Variants in MSRA observed in about 807,000 individuals in gnomAD.
MSRA encodes mitochondrial peptide methionine sulfoxide reductase.
A neutral mutation model predicts 31.3 loss-of-function variants in MSRA; 54 were observed. The ratio of observed to expected loss-of-function variants is 1.73; its 90% confidence interval spans 1.39 to 2.17. MSRA has a LOEUF of 2.17. Ranked by LOEUF, MSRA falls within the 30% of genes most tolerant of loss-of-function variation. The probability of loss-of-function intolerance (pLI) is 0.00; values close to 1 mark genes in which losing one functional copy is unlikely to be tolerated. For synonymous variants in MSRA, 169 were observed against 116.5 expected, an observed-to-expected ratio of 1.45 and a Z score of -2.90; for missense variants, 507 against 300.9, an observed-to-expected ratio of 1.69 and a Z score of -5.07.
At position 10,247,383 on chromosome 8, in the gene MSRA, G is replaced by A. The variant is rs190937697; in HGVS notation, c.331+2160G>A. On this transcript the variant is annotated intron_variant, in intron 3 of 5. Transcript: ENST00000317173. Reference sequence around the variant, plus strand: ...GTCTCCCAGCTGTCATCATATCCCAGCCATTCTCCATTCATCCCTTTGCAC... The same window carrying A: ...GTCTCCCAGCTGTCATCATATCCCAACCATTCTCCATTCATCCCTTTGCAC... Among the ~76,000 whole-genome samples the A allele has an allele frequency of 2.6e-5, 4 of 152,210 alleles. No individual in the cohort carries two copies. The East Asian group carries it at 7.7e-4, about 29-fold the overall frequency.
At chr8:10,168,263 G>T (rs764706409) in intron 1 of MSRA, among the ~76,000 whole-genome samples, 2 of 152,042 alleles carry the variant, frequency 1.3e-5, no homozygotes, top group African/African-American at 4.8e-5. Context: ...TAATAATCTT[G>T]GTTCTAAAAC....
In MSRA at chr8:10,334,215, TC is replaced by T. The variant is rs1322487701; in HGVS notation, c.543+14227del. 6.3e-3 allele frequency among the ~76,000 whole-genome samples: 928 copies of T among 147,596 alleles called. 4 individuals carry two copies. The highest frequency in any genetic ancestry group is 0.022 in the African/African-American group (853 of 39,612). On this transcript the variant is annotated intron_variant, in intron 5 of 5. Transcript: ENST00000317173. The stretch of plus-strand genomic sequence containing the variant: ...GTGTGTGTGTGTGTGTGTGTGTGTG[TC>T]TGGGTATATATACACACACATTTAT...
At chr8:10,097,999 C>T (rs527887877) in intron 1 of MSRA, among the ~76,000 whole-genome samples, 7 of 151,978 alleles carry the variant, frequency 4.6e-5, no homozygotes, top group South Asian at 2.1e-4. Flanking sequence ...CCTTGTAAAA[C>T]GGGTATAATA....
chr8:10,171,128 ACTTTC>A (rs2129046339), intron 1 of MSRA, among the ~76,000 whole-genome samples: 1 of 152,294 alleles, frequency 6.6e-6, no homozygotes, highest in Non-Finnish European at 1.5e-5. Context: ...CTTGCAACTG[ACTTTC>A]CTCCTATACC....
At chr8:10,093,958 T>C (rs1798990511) in intron 1 of MSRA, among the ~76,000 whole-genome samples, 1 of 152,240 alleles carries the variant, frequency 6.6e-6, no homozygotes, top group South Asian at 2.1e-4. Flanking sequence ...TCCATGGTTT[T>C]CAATGAGAAA....
intron 4 of MSRA, among the ~76,000 whole-genome samples, chr8:10,315,583 G>A (rs942083752): frequency 9.2e-5 from 14 of 152,070 alleles, no homozygotes; most frequent in African/African-American, 3.4e-4. Flanking sequence ...ATAATATGTC[G>A]ATTGCTACTT....
At chr8:10,095,282 G>C (rs1272246148) in intron 1 of MSRA, among the ~76,000 whole-genome samples, 1 of 152,164 alleles carries the variant, frequency 6.6e-6, no homozygotes, top group African/African-American at 2.4e-5. Context: ...CCTTATTGCT[G>C]AGCAGTGAAT....
intron 1 of MSRA, among the ~76,000 whole-genome samples, chr8:10,083,546 ATCATAAACCTACAGTGTCTAATTT>A (rs1405474413): frequency 1.3e-5 from 2 of 152,242 alleles, no homozygotes; most frequent in African/African-American, 4.8e-5. Context: ...TCAAGGGTGA[ATCATAAACCTACAGTGTCTAATTT>A]TTCTGCTTAT....
In MSRA at chr8:10,301,452, T is replaced by G. The variant is rs914831563; in HGVS notation, c.332-82T>G. On this transcript the variant is annotated intron_variant, in intron 3 of 5. Transcript: ENST00000317173. Reference sequence around the variant, plus strand: ...ACAGGGTAGAGTTTCAGCTTTTGTCTGTTGTTTTTTTTGTGAACAAAAAAC... The same window carrying G: ...ACAGGGTAGAGTTTCAGCTTTTGTCGGTTGTTTTTTTTGTGAACAAAAAAC... 3.3e-5 allele frequency: 34 copies of G among 1,044,438 alleles called. No individual in the cohort carries two copies. In the African/African-American group the frequency reaches 5.2e-4, roughly 16 times the overall value. 64.7% of individuals were successfully genotyped at this position (1,044,438 alleles called of 1,614,324 possible).
rs546427620 is a variant in MSRA at position 10,184,462 on chromosome 8, G to A, written c.143-23371G>A. ...AAAAGGTTTGGCTGGTGTTATTCTCGGTGAAAATAGCAGAAAATCCTTCTC... is the reference window on the plus strand; with the variant it reads ...AAAAGGTTTGGCTGGTGTTATTCTCAGTGAAAATAGCAGAAAATCCTTCTC... On this transcript the variant is annotated intron_variant, in intron 1 of 5. Transcript: ENST00000317173. Among the ~76,000 whole-genome samples, 9 of 152,020 alleles carry A rather than the reference G, an allele frequency of 5.9e-5. No individual in the cohort carries two copies. In the East Asian group the frequency reaches 7.7e-4, roughly 13 times the overall value.
At chr8:10,178,076 A>T (rs545390872) in intron 1 of MSRA, among the ~76,000 whole-genome samples, 4 of 152,298 alleles carry the variant, frequency 2.6e-5, no homozygotes, top group Admixed American at 1.3e-4. Flanking sequence ...TAATGAGTAC[A>T]TCTATTCCTG....
At chr8:10,387,254 C>T (rs996428581) in intron 5 of MSRA, among the ~76,000 whole-genome samples, 1 of 152,156 alleles carries the variant, frequency 6.6e-6, no homozygotes, top group Non-Finnish European at 1.5e-5. Flanking sequence ...TTGAACAGTT[C>T]TATAATGTTC....
At chr8:10,310,031 C>T (rs372989554) in intron 4 of MSRA, among the ~76,000 whole-genome samples, 138 of 152,322 alleles carry the variant, frequency 9.1e-4, no homozygotes, top group African/African-American at 2.9e-3. Flanking sequence ...TACTGTCGTT[C>T]GTATATTTGA....
Position 10,197,042 on chromosome 8 carries a change from C to G in MSRA, c.143-10791C>G, listed in dbSNP as rs902233018. 3.3e-5 allele frequency among the ~76,000 whole-genome samples: 5 copies of G among 152,182 alleles called. No individual in the cohort carries two copies. The South Asian group carries it at 8.3e-4, about 25-fold the overall frequency. On this transcript the variant is annotated intron_variant, in intron 1 of 5. Transcript: ENST00000317173. ...GTCTATAGCCATGTGTTTCAGTACA[C>G]CTACTTTCAACGTTGTTATTCACAA...
intron 1 of MSRA, among the ~76,000 whole-genome samples, chr8:10,195,736 A>G (rs1027482692): frequency 6.6e-5 from 10 of 152,210 alleles, no homozygotes; most frequent in Admixed American, 4.6e-4. Context: ...ATATTTAGCT[A>G]TCTCCTTCAT....
intron 1 of MSRA, 93 bp downstream of exon 1, chr8:10,054,751 G>C: frequency 7.6e-7 from 1 of 1,308,942 alleles, no homozygotes; most frequent in Non-Finnish European, 9.8e-7. Context: ...GAAGGAAGCC[G>C]TGGGCTGGCC....
At chr8:10,377,619 C>G (rs1474247755) in intron 5 of MSRA, among the ~76,000 whole-genome samples, 1 of 152,146 alleles carries the variant, frequency 6.6e-6, no homozygotes, top group Non-Finnish European at 1.5e-5. Context: ...GATGTAATAC[C>G]AAAATGGCTC....
intron 5 of MSRA, among the ~76,000 whole-genome samples, chr8:10,355,777 G>C (rs893861377): frequency 6.6e-6 from 1 of 152,142 alleles, no homozygotes; most frequent in Non-Finnish European, 1.5e-5. Context: ...CAGGGGTCTA[G>C]CCAGGAAGAT....
intron 3 of MSRA, among the ~76,000 whole-genome samples, chr8:10,246,010 C>G (rs1301972025): frequency 9.2e-5 from 14 of 152,136 alleles, no homozygotes; most frequent in Admixed American, 9.2e-4. Flanking sequence ...GATCAGCAAA[C>G]TATTGACTTG....
Sources: gnomAD v4.1 joint callset for allele counts (sites outside exome capture counted in the v4.1 genomes callset) on GRCh38, gnomAD v4.1.1 for gene constraint, MANE v1.5 for transcripts, NCBI Gene and HGNC (gene_info 2026-07-23, HGNC 2026-07-21) for gene names.